DNAJC1: variants seen among roughly 807,000 people sequenced by gnomAD.
DNAJC1 encodes the protein DnaJ heat shock protein family (Hsp40) member C1.
In DNAJC1, 58 loss-of-function variants were observed where a neutral mutation model predicts 76.6. That is an observed-to-expected ratio of 0.76 (90% CI 0.61 to 0.94). The LOEUF (loss-of-function observed/expected upper bound fraction) is 0.94, where lower values mean the gene tolerates loss of function less well. Ranked by LOEUF, DNAJC1 falls within the 40% of genes least tolerant of loss-of-function variation. The pLI, the probability that DNAJC1 is intolerant of heterozygous loss-of-function variation, is 0.00. For synonymous variants in DNAJC1, 258 were observed against 267.9 expected, an observed-to-expected ratio of 0.96 and a Z score of 0.36; for missense variants, 689 against 677.3, an observed-to-expected ratio of 1.02 and a Z score of -0.19.
intron 8 of DNAJC1, among the ~76,000 whole-genome samples, chr10:21,825,205 T>C (rs1220247560): frequency 6.6e-6 from 1 of 152,230 alleles, no homozygotes; most frequent in East Asian, 1.9e-4. Flanking sequence ...AACTCTATAC[T>C]TATTAAACAA....
chr10:21,837,904 T>C (rs1321714681), intron 8 of DNAJC1, among the ~76,000 whole-genome samples: 1 of 137,322 alleles, frequency 7.3e-6, no homozygotes, highest in Non-Finnish European at 1.6e-5. Context: ...AGCCGCCCCG[T>C]CCGGGAGGGA....
chr10:21,816,595 G>T (rs1169374057), intron 8 of DNAJC1, among the ~76,000 whole-genome samples: 1 of 149,052 alleles, frequency 6.7e-6, no homozygotes, highest in African/African-American at 2.5e-5. Context: ...ACCCAGGCTG[G>T]AGTGCAGTGG....
Position 21,882,268 on chromosome 10 carries a change from T to C in DNAJC1, c.978+14A>G, listed in dbSNP as rs1836294212. 1 of 1,587,570 alleles carries C rather than the reference T, an allele frequency of 6.3e-7. No individual in the cohort carries two copies. Among genetic ancestry groups the C allele is most frequent in the African/African-American group, 1.4e-5 (1 of 72,896 alleles). ...CATGTTTTACTCAAAACAAGTTTTA[T>C]AAAGCTTATTTACCTGTTTTTTCTG... On this transcript the variant is annotated intron_variant, in intron 8 of 11. Coordinates refer to ENST00000376980, the MANE Select transcript of DNAJC1 (RefSeq NM_022365.4).
At chr10:21,819,367 C>T (rs1366072708) in intron 8 of DNAJC1, among the ~76,000 whole-genome samples, 2 of 151,898 alleles carry the variant, frequency 1.3e-5, no homozygotes, top group African/African-American at 2.4e-5. Flanking sequence ...CGCCACTGCA[C>T]TCCATCCTGG....
At chr10:21,992,191 G>A (rs1286622547) in intron 1 of DNAJC1, among the ~76,000 whole-genome samples, 2 of 152,146 alleles carry the variant, frequency 1.3e-5, no homozygotes, top group East Asian at 1.9e-4. Context: ...TGTGCCCGTA[G>A]TCCCAGTTAC....
At chr10:21,811,685 T>A (rs191509148) in intron 8 of DNAJC1, among the ~76,000 whole-genome samples, 4 of 152,344 alleles carry the variant, frequency 2.6e-5, no homozygotes, top group African/African-American at 9.6e-5. Flanking sequence ...AATCTGTCTA[T>A]CCATTCTCCT....
At chr10:21,970,967 G>C (rs982885827) in intron 1 of DNAJC1, among the ~76,000 whole-genome samples, 2 of 151,790 alleles carry the variant, frequency 1.3e-5, no homozygotes, top group Admixed American at 1.3e-4. Context: ...ACTACTTGAT[G>C]ATCTGATATA....
intron 8 of DNAJC1, among the ~76,000 whole-genome samples, chr10:21,822,198 G>A (rs1835171349): frequency 6.6e-6 from 1 of 152,114 alleles, no homozygotes; most frequent in Non-Finnish European, 1.5e-5. Context: ...CATAATCCCA[G>A]GAGGCTTAGG....
chr10:21,924,416 A>C (rs753143551), intron 3 of DNAJC1, among the ~76,000 whole-genome samples: 5 of 152,182 alleles, frequency 3.3e-5, no homozygotes, highest in African/African-American at 7.2e-5. Flanking sequence ...AAAAAATTTT[A>C]AAGTTGCACA....
chr10:21,775,447 C>T (rs1834442309), intron 9 of DNAJC1, among the ~76,000 whole-genome samples: 1 of 147,064 alleles, frequency 6.8e-6, no homozygotes, highest in Non-Finnish European at 1.5e-5. Context: ...GCAGGTTTGG[C>T]ATCCTCAAAT....
At chr10:21,800,881 C>G (rs1403664649) in intron 9 of DNAJC1, among the ~76,000 whole-genome samples, 1 of 151,832 alleles carries the variant, frequency 6.6e-6, no homozygotes, top group Non-Finnish European at 1.5e-5. Context: ...AGAGTTTTAT[C>G]AAAAAAGAGT....
intron 1 of DNAJC1, among the ~76,000 whole-genome samples, chr10:21,963,694 GT>G (rs1837839715): frequency 6.6e-6 from 1 of 152,010 alleles, no homozygotes; most frequent in Admixed American, 6.6e-5. Context: ...TTTTAAGTAT[GT>G]CTCTTATAAA....
intron 6 of DNAJC1, among the ~76,000 whole-genome samples, chr10:21,908,256 T>TATATATAATATAGAGAAAA (rs2131750263): frequency 1.4e-4 from 1 of 7,024 alleles, no homozygotes; most frequent in African/African-American, 3.5e-3. Context: ...ATAGAGAAAA[T>TATATATAATATAGAGAAAA]ATATATATAT....
intron 1 of DNAJC1, among the ~76,000 whole-genome samples, chr10:21,972,295 G>A (rs1837993185): frequency 6.6e-6 from 1 of 151,900 alleles, no homozygotes; most frequent in Non-Finnish European, 1.5e-5. Context: ...AAACCAGCAT[G>A]AGTCCACAGA....
At chr10:21,887,492 A>C (rs1261392739) in intron 7 of DNAJC1, among the ~76,000 whole-genome samples, 1 of 152,182 alleles carries the variant, frequency 6.6e-6, no homozygotes, top group African/African-American at 2.4e-5. Context: ...AAACAATACT[A>C]CAGGGCTACA....
chr10:21,818,507 A>C (rs1165816317), intron 8 of DNAJC1, among the ~76,000 whole-genome samples: 1 of 152,134 alleles, frequency 6.6e-6, no homozygotes, highest in East Asian at 1.9e-4. Flanking sequence ...GACCTCTGTG[A>C]CCCACACCCT....
chr10:21,782,144 C>G (rs1442398182), intron 9 of DNAJC1, among the ~76,000 whole-genome samples: 4 of 152,018 alleles, frequency 2.6e-5, no homozygotes, highest in African/African-American at 9.7e-5. Context: ...TGATAGACCG[C>G]TAGCAAGACT....
At chr10:21,820,410 A>T (rs1003558541) in intron 8 of DNAJC1, among the ~76,000 whole-genome samples, 2 of 152,244 alleles carry the variant, frequency 1.3e-5, no homozygotes, top group African/African-American at 4.8e-5. Flanking sequence ...ATGTAGACGT[A>T]TGTTTTATCT....
chr10:21,998,208 T>C (rs976255238), intron 1 of DNAJC1, among the ~76,000 whole-genome samples: 1 of 151,888 alleles, frequency 6.6e-6, no homozygotes, highest in Non-Finnish European at 1.5e-5. Flanking sequence ...CTGACCAACA[T>C]GGCGAAACCC....
Sources: allele counts gnomAD v4.1 joint callset (sites outside exome capture counted in the v4.1 genomes callset), GRCh38; gene constraint gnomAD v4.1.1; transcripts MANE v1.5; gene names NCBI Gene and HGNC (gene_info 2026-07-23, HGNC 2026-07-21).